Variants in ZNF609 observed in about 807,000 individuals in gnomAD.
ZNF609 encodes zinc finger protein 609.
ZNF609 carries 11 observed loss-of-function variants against 109.5 expected under a neutral mutation model. The ratio of observed to expected loss-of-function variants is 0.10; its 90% confidence interval spans 0.06 to 0.17. ZNF609 has a LOEUF of 0.17. Ranked by LOEUF, ZNF609 falls within the 10% of genes least tolerant of loss-of-function variation. The pLI is 1.00. For synonymous variants in ZNF609, 646 were observed against 662.0 expected, an observed-to-expected ratio of 0.98 and a Z score of 0.37; for missense variants, 1,559 against 1,772.4, an observed-to-expected ratio of 0.88 and a Z score of 2.16.
chr15:64,679,802 G>A (rs963962738), intron 6 of ZNF609, among the ~76,000 whole-genome samples: 3 of 152,184 alleles, frequency 2.0e-5, no homozygotes, highest in African/African-American at 7.2e-5. Flanking sequence ...GCTCAAAACA[G>A]TTATTTATTT....
chr15:64,676,432 G>T (rs1259007441), intron 5 of ZNF609, among the ~76,000 whole-genome samples, 176 bp downstream of exon 5: 3 of 150,222 alleles, frequency 2.0e-5, no homozygotes, highest in African/African-American at 5.0e-5. Flanking sequence ...TTTTATTTTA[G>T]TATTATTATT....
At chr15:64,550,734 G>T (rs1364003256) in intron 2 of ZNF609, among the ~76,000 whole-genome samples, 1 of 151,560 alleles carries the variant, frequency 6.6e-6, no homozygotes, top group Non-Finnish European at 1.5e-5. Context: ...TACTTGAGAG[G>T]CCGAGACAGG....
chr15:64,576,949 C>CATATATGTATATATACACATAT (rs1567018981), intron 2 of ZNF609, among the ~76,000 whole-genome samples: 1 of 52,228 alleles, frequency 1.9e-5, no homozygotes, highest in East Asian at 1.4e-3. Flanking sequence ...TAAATATATA[C>CATATATGTATATATACACATAT]ATATATGTAT....
rs1350097896 is a variant in ZNF609, at chr15:64,499,988, C to A, written c.569C>A (p.Pro190His). The A allele has an allele frequency of 6.2e-7, 1 of 1,614,048 alleles. No individual in the cohort carries two copies. The highest frequency in any genetic ancestry group is 8.5e-7 in the Non-Finnish European group (1 of 1,180,002). ...EKDPGVLQPVPLGGRGGQYDG... is the reference protein window; with the variant it reads ...EKDPGVLQPVHLGGRGGQYDG... ...GATCCTGGGGTCCTCCAGCCAGTTC[C>A]CTTGGGAGGACGGGGTGGTCAGTAT... The change falls in exon 2 of 10, where the codon CCC (proline) becomes CAC (histidine). Residue 190 changes from proline to histidine, a missense_variant. By Grantham distance (77) the Pro-to-His change is moderately conservative (BLOSUM62 -2). Coordinates refer to ENST00000326648, the MANE Select transcript of ZNF609 (RefSeq NM_015042.2).
In ZNF609 at chr15:64,669,676, A is replaced by AT. The variant is rs541712080; in HGVS notation, c.974-661dup. Among the ~76,000 whole-genome samples the AT allele has an allele frequency of 6.6e-3, 990 of 150,218 alleles. 8 individuals are homozygous for AT. The highest frequency in any genetic ancestry group is 0.011 in the Non-Finnish European group (719 of 67,342). On this transcript the variant is annotated intron_variant, in intron 3 of 9. Coordinates refer to ENST00000326648, the MANE Select transcript of ZNF609 (RefSeq NM_015042.2). Reference sequence around the variant, plus strand: ...CAAAAGCTTTATTTTTTTATTTTTTATTTTTTTTTGAGACGGAGTCTCACT... The same window carrying AT: ...CAAAAGCTTTATTTTTTTATTTTTTATTTTTTTTTTGAGACGGAGTCTCACT...
At chr15:64,541,342 G>A (rs1005711408) in intron 2 of ZNF609, among the ~76,000 whole-genome samples, 4 of 150,278 alleles carry the variant, frequency 2.7e-5, no homozygotes, top group African/African-American at 9.8e-5. Context: ...CAGGAGAATG[G>A]CGTGAACCCG....
intron 2 of ZNF609, among the ~76,000 whole-genome samples, chr15:64,583,168 G>T (rs1041208428): frequency 1.3e-5 from 2 of 151,492 alleles, no homozygotes; most frequent in African/African-American, 4.8e-5. Context: ...GAGTAGCTGG[G>T]ATTACAGGCA....
chr15:64,671,087 G>A (rs950410936), intron 4 of ZNF609, among the ~76,000 whole-genome samples: 11 of 150,752 alleles, frequency 7.3e-5, no homozygotes, highest in African/African-American at 2.4e-4. Flanking sequence ...GCGAGCGTTT[G>A]TAGTCCCAGC....
chr15:64,584,801 G>A (rs907436582), intron 2 of ZNF609, among the ~76,000 whole-genome samples: 4 of 150,488 alleles, frequency 2.7e-5, no homozygotes, highest in African/African-American at 4.9e-5. Flanking sequence ...GCTAATTTTT[G>A]TATTTTTAGT....
intron 1 of ZNF609, among the ~76,000 whole-genome samples, chr15:64,479,871 A>G (rs992666015): frequency 6.6e-5 from 10 of 151,824 alleles, no homozygotes; most frequent in African/African-American, 2.4e-4. Flanking sequence ...GTGAGCCAAG[A>G]TTGCACCACT....
In ZNF609 at chr15:64,626,593, C is replaced by T. The variant is rs568964173; in HGVS notation, c.973+3541C>T. ...TGGCCTCTGAGGGGAATGGAGGACA[C>T]TGAGGTCCCTGTAGAACTGAGCCAC... On this transcript the variant is annotated intron_variant, in intron 3 of 9. Transcript: ENST00000326648. Among the ~76,000 whole-genome samples the T allele has an allele frequency of 2.0e-5, 3 of 152,268 alleles. No homozygotes were observed. In the East Asian group the frequency reaches 5.8e-4, roughly 29 times the overall value.
chr15:64,643,878 T>G (rs1896295507), intron 3 of ZNF609: 2 of 152,200 alleles, frequency 1.3e-5, no homozygotes, highest in Admixed American at 6.5e-5. Context: ...AGAGGATCAC[T>G]TGAACCCAGG....
At chr15:64,610,322 G>C (rs1895696842) in intron 2 of ZNF609, among the ~76,000 whole-genome samples, 1 of 152,164 alleles carries the variant, frequency 6.6e-6, no homozygotes, top group South Asian at 2.1e-4. Flanking sequence ...AAACAGAGTG[G>C]AGTAGAAAAG....
intron 2 of ZNF609, among the ~76,000 whole-genome samples, chr15:64,540,426 A>G (rs1278063619): frequency 2.0e-5 from 3 of 152,072 alleles, no homozygotes; most frequent in Non-Finnish European, 4.4e-5. Flanking sequence ...TTTGTTTGGT[A>G]CGGAGTCTCA....
At chr15:64,606,032 G>C (rs1222799974) in intron 2 of ZNF609, among the ~76,000 whole-genome samples, 3 of 149,348 alleles carry the variant, frequency 2.0e-5, no homozygotes, top group Non-Finnish European at 4.4e-5. Context: ...TGGGATTACA[G>C]GTGTGAGCCA....
At chr15:64,577,556 CACATATAAATATATACATATATAT>C (rs1337048288) in intron 2 of ZNF609, among the ~76,000 whole-genome samples, 301 of 15,276 alleles carry the variant, frequency 0.02, 5 homozygotes, top group Non-Finnish European at 0.043. Context: ...TATATATATA[CACATATAAATATATACATATATAT>C]GTGTATATAT....
At chr15:64,484,183 G>A (rs1229261674) in intron 1 of ZNF609, among the ~76,000 whole-genome samples, 2 of 151,970 alleles carry the variant, frequency 1.3e-5, no homozygotes, top group Non-Finnish European at 2.9e-5. Flanking sequence ...GTGAAATATT[G>A]AGATTTTCCT....
chr15:64,563,134 C>A (rs1193182068), intron 2 of ZNF609, among the ~76,000 whole-genome samples: 1 of 151,480 alleles, frequency 6.6e-6, no homozygotes, highest in Non-Finnish European at 1.5e-5. Context: ...TGGAGCAAGA[C>A]CCTGTCTCAA....
At chr15:64,517,048 T>C (rs772167328) in intron 2 of ZNF609, among the ~76,000 whole-genome samples, 2 of 152,218 alleles carry the variant, frequency 1.3e-5, no homozygotes, top group African/African-American at 4.8e-5. Context: ...GTTTTAAGCT[T>C]CTTGCTTTAA....
Sources: gnomAD v4.1 joint callset for allele counts (sites outside exome capture counted in the v4.1 genomes callset) on GRCh38, gnomAD v4.1.1 for gene constraint, MANE v1.5 for transcripts, NCBI Gene and HGNC (gene_info 2026-07-23, HGNC 2026-07-21) for gene names.